Variants in NR6A1 observed in about 807,000 individuals in gnomAD.
NR6A1 encodes the protein nuclear receptor subfamily 6 group A member 1.
A neutral mutation model predicts 59.1 loss-of-function variants in NR6A1; 7 were observed. The ratio of observed to expected loss-of-function variants is 0.12; its 90% CI spans 0.07 to 0.22. The LOEUF is 0.22. Ranked by LOEUF, NR6A1 falls within the 10% of genes least tolerant of loss-of-function variation. The pLI, the probability that NR6A1 is intolerant of heterozygous loss-of-function variation, is 1.00. For missense variants in NR6A1, 468 were observed against 611.6 expected, an observed-to-expected ratio of 0.77 and a Z score of 2.48; for synonymous variants, 243 against 236.1, an observed-to-expected ratio of 1.03 and a Z score of -0.27.
At chr9:124,535,833 AT>A in intron 7 of NR6A1, 44 bp downstream of exon 7, 1 of 1,607,456 alleles carries the variant, frequency 6.2e-7, no homozygotes, top group Non-Finnish European at 8.5e-7. Flanking sequence ...AGGGATGACA[AT>A]TGTTTGGTTG....
intron 2 of NR6A1, among the ~76,000 whole-genome samples, chr9:124,691,305 T>A (rs1173528371): frequency 6.6e-6 from 1 of 152,206 alleles, no homozygotes; most frequent in Non-Finnish European, 1.5e-5. Flanking sequence ...TAAATCTCAG[T>A]GGTTGATATT....
intron 2 of NR6A1, among the ~76,000 whole-genome samples, chr9:124,666,254 CG>C (rs1313266558): frequency 1.4e-5 from 2 of 144,142 alleles, no homozygotes; most frequent in African/African-American, 5.3e-5. Context: ...TAGATTTTGG[CG>C]GAATTACCTC....
chr9:124,641,508 C>A (rs1378891429), intron 2 of NR6A1, among the ~76,000 whole-genome samples: 2 of 152,054 alleles, frequency 1.3e-5, no homozygotes, highest in African/African-American at 4.8e-5. Flanking sequence ...TTGAGACCAG[C>A]CTGGGAAACA....
chr9:124,698,370 G>A (rs1037565708), intron 2 of NR6A1: 1 of 152,200 alleles, frequency 6.6e-6, no homozygotes, highest in African/African-American at 2.4e-5. Flanking sequence ...ATCCACAGAG[G>A]AAAGGAAGGA....
chr9:124,765,937 C>T (rs906260836), intron 1 of NR6A1, among the ~76,000 whole-genome samples: 8 of 152,188 alleles, frequency 5.3e-5, no homozygotes, highest in Non-Finnish European at 1.0e-4. Context: ...TGGTTTTCTT[C>T]TGATTTTCTA....
chr9:124,718,466 TC>T (rs1839467397), intron 2 of NR6A1, among the ~76,000 whole-genome samples: 1 of 152,204 alleles, frequency 6.6e-6, no homozygotes, highest in South Asian at 2.1e-4. Context: ...TAGAACAATT[TC>T]AAGATAACAG....
chr9:124,680,489 G>C (rs922291861), intron 2 of NR6A1, among the ~76,000 whole-genome samples: 1 of 152,212 alleles, frequency 6.6e-6, no homozygotes, highest in Non-Finnish European at 1.5e-5. Flanking sequence ...CAAAAAAAAC[G>C]GAGTGTACAA....
At chr9:124,644,633 GAT>G (rs1378324269) in intron 2 of NR6A1, among the ~76,000 whole-genome samples, 2 of 152,144 alleles carry the variant, frequency 1.3e-5, no homozygotes, top group Admixed American at 1.3e-4. Flanking sequence ...TATCCAAACT[GAT>G]AGTGTCTAAA....
chr9:124,675,470 T>A (rs895326208), intron 2 of NR6A1, among the ~76,000 whole-genome samples: 5 of 152,332 alleles, frequency 3.3e-5, no homozygotes, highest in African/African-American at 9.6e-5. Flanking sequence ...TACTGTTAGG[T>A]GGCAGACAGC....
intron 1 of NR6A1, among the ~76,000 whole-genome samples, chr9:124,762,558 A>T (rs1840811167): frequency 6.6e-6 from 1 of 152,190 alleles, no homozygotes; most frequent in Non-Finnish European, 1.5e-5. Flanking sequence ...AATTGTGGAT[A>T]GTCTTCTTTG....
At chr9:124,658,889 T>A (rs917911426) in intron 2 of NR6A1, 6 of 152,174 alleles carry the variant, frequency 3.9e-5, no homozygotes, top group African/African-American at 1.2e-4. Flanking sequence ...GCTCCTTTGT[T>A]CTCAGAACAG....
chr9:124,693,497 G>A (rs1471135561), intron 2 of NR6A1, among the ~76,000 whole-genome samples: 2 of 152,182 alleles, frequency 1.3e-5, no homozygotes, highest in Admixed American at 6.5e-5. Flanking sequence ...GGTTCTCCAA[G>A]CACTCCTTCC....
At chr9:124,759,064 A>G (rs145028298) in intron 1 of NR6A1, among the ~76,000 whole-genome samples, 357 of 152,266 alleles carry the variant, frequency 2.3e-3, no homozygotes, top group Non-Finnish European at 2.5e-3. Flanking sequence ...GCTCCTCTCT[A>G]AAGTCTTTTC....
chr9:124,625,424 C>T (rs1345572928), intron 2 of NR6A1, among the ~76,000 whole-genome samples: 2 of 152,190 alleles, frequency 1.3e-5, no homozygotes, highest in Admixed American at 1.3e-4. Context: ...ACCTCACAGG[C>T]TCAAGCGAGC....
intron 2 of NR6A1, among the ~76,000 whole-genome samples, chr9:124,704,210 A>C (rs545718584): frequency 6.6e-6 from 1 of 152,284 alleles, no homozygotes; most frequent in Admixed American, 6.5e-5. Flanking sequence ...TGTGGGTAAT[A>C]ATGTCCTTTC....
chr9:124,534,870 C>T (rs568223905), intron 7 of NR6A1, among the ~76,000 whole-genome samples: 1 of 152,344 alleles, frequency 6.6e-6, no homozygotes, highest in South Asian at 2.1e-4. Flanking sequence ...GTGGCTCACG[C>T]CTGTAATCCC....
At chr9:124,741,200 C>T (rs1008766408) in intron 1 of NR6A1, among the ~76,000 whole-genome samples, 3 of 152,248 alleles carry the variant, frequency 2.0e-5, no homozygotes, top group East Asian at 1.9e-4. Flanking sequence ...TTTAAATGGC[C>T]GTATGAGGCT....
intron 2 of NR6A1, among the ~76,000 whole-genome samples, chr9:124,667,229 C>T (rs1028109081): frequency 2.6e-5 from 4 of 151,914 alleles, no homozygotes; most frequent in Non-Finnish European, 5.9e-5. Flanking sequence ...TACAGGGTTT[C>T]GCCATCTTGG....
chr9:124,602,106 G>C (rs192828452), intron 2 of NR6A1, among the ~76,000 whole-genome samples: 3 of 152,322 alleles, frequency 2.0e-5, no homozygotes, highest in Non-Finnish European at 4.4e-5. Context: ...CCTGCGAACT[G>C]AGGAACCTGG....
Sources: gnomAD v4.1 joint callset for allele counts (sites outside exome capture counted in the v4.1 genomes callset) on GRCh38, gnomAD v4.1.1 for gene constraint, MANE v1.5 for transcripts, NCBI Gene and HGNC (gene_info 2026-07-23, HGNC 2026-07-21) for gene names.